The following VAV3 variants were observed in gnomAD, a reference collection of about 807,000 sequenced individuals.
VAV3 encodes guanine nucleotide exchange factor VAV3.
A neutral mutation model predicts 131.2 loss-of-function variants in VAV3; 94 were observed. That is an observed-to-expected ratio of 0.72 (90% CI 0.61 to 0.85). The LOEUF is 0.85. VAV3 is among the 40% of genes least tolerant of loss of function. VAV3 has a pLI of 0.00. For missense variants in VAV3, 939 were observed against 1,002.7 expected (o/e 0.94, Z 0.86); for synonymous variants, 349 against 342.0 (o/e 1.02, Z -0.22).
intron 19 of VAV3, among the ~76,000 whole-genome samples, chr1:107,667,211 C>A (rs1317586773): frequency 2.0e-5 from 3 of 152,112 alleles, no homozygotes; most frequent in Non-Finnish European, 4.4e-5. Context: ...GGACAAAGAG[C>A]CAGACACTGT....
At chr1:107,687,773 T>C (rs1659136696) in intron 18 of VAV3, among the ~76,000 whole-genome samples, 1 of 152,210 alleles carries the variant, frequency 6.6e-6, no homozygotes, top group South Asian at 2.1e-4. Context: ...TATCCCATCA[T>C]CTTCTGTATT....
At chr1:107,779,050 G>A (rs1570941070) in intron 3 of VAV3, among the ~76,000 whole-genome samples, 1 of 151,382 alleles carries the variant, frequency 6.6e-6, no homozygotes, top group African/African-American at 2.4e-5. Flanking sequence ...AAAGCTATGA[G>A]TTATTATGAT....
At chr1:107,843,475 T>C (rs529164367) in intron 2 of VAV3, among the ~76,000 whole-genome samples, 21 of 148,964 alleles carry the variant, frequency 1.4e-4, no homozygotes, top group African/African-American at 5.1e-4. Context: ...TAATCATCTA[T>C]AGACTTTTGT....
intron 23 of VAV3, 119 bp downstream of exon 23, chr1:107,602,928 G>A (rs1317647052): frequency 7.0e-6 from 5 of 715,018 alleles, no homozygotes; most frequent in Non-Finnish European, 1.2e-5. Context: ...CTGGATAGAT[G>A]CATTATTTCT....
chr1:107,573,982 G>A, intron 26 of VAV3, 65 bp downstream of exon 26: 1 of 1,580,288 alleles, frequency 6.3e-7, no homozygotes, highest in African/African-American at 1.3e-5. Context: ...GTGCCACAAT[G>A]GGTGCAAACA....
chr1:107,762,433 G>A (rs1159879527), intron 9 of VAV3, among the ~76,000 whole-genome samples: 1 of 152,180 alleles, frequency 6.6e-6, no homozygotes, highest in African/African-American at 2.4e-5. Flanking sequence ...CATGCTAGCT[G>A]TGTCATCAAT....
intron 2 of VAV3, among the ~76,000 whole-genome samples, chr1:107,813,404 G>A (rs992637683): frequency 1.3e-5 from 2 of 152,232 alleles, no homozygotes; most frequent in Non-Finnish European, 2.9e-5. Flanking sequence ...TGGCATACTG[G>A]CATATTAGTT....
At chr1:107,822,498 CA>C (rs1224272286) in intron 2 of VAV3, among the ~76,000 whole-genome samples, 3 of 150,696 alleles carry the variant, frequency 2.0e-5, no homozygotes, top group Non-Finnish European at 4.4e-5. Flanking sequence ...ATTAAAAATA[CA>C]AAAAAAACAG....
intron 1 of VAV3, among the ~76,000 whole-genome samples, chr1:107,935,972 T>C (rs1673692359): frequency 6.6e-6 from 1 of 152,180 alleles, no homozygotes; most frequent in African/African-American, 2.4e-5. Context: ...AGAATTTTGC[T>C]TTTCAGTGTG....
At chr1:107,632,225 T>G (rs1654556069) in intron 20 of VAV3, among the ~76,000 whole-genome samples, 1 of 152,178 alleles carries the variant, frequency 6.6e-6, no homozygotes, top group Non-Finnish European at 1.5e-5. Context: ...TGGCTCACAT[T>G]AGATTCATCT....
intron 17 of VAV3, among the ~76,000 whole-genome samples, chr1:107,698,440 G>A (rs1200169243): frequency 6.6e-6 from 1 of 152,140 alleles, no homozygotes; most frequent in East Asian, 1.9e-4. Context: ...CAAGTACTGT[G>A]AGCATGTTTA....
At chr1:107,665,367 T>C (rs899932218) in intron 19 of VAV3, among the ~76,000 whole-genome samples, 3 of 152,174 alleles carry the variant, frequency 2.0e-5, no homozygotes, top group Admixed American at 6.5e-5. Context: ...GGTTTGGTTT[T>C]TCTTATCACA....
chr1:107,727,271 C>A lies in VAV3; in HGVS notation c.1502+21697G>T, dbSNP rs1042676204. On this transcript the variant is annotated intron_variant, in intron 15 of 26. Coordinates refer to ENST00000370056, the MANE Select transcript of VAV3 (RefSeq NM_006113.5). ...TCTTTCGTAATTTTGTTCTCCTTGA[C>A]CAGCATTTTTTAAGCTCCACTAAAA... Among the ~76,000 whole-genome samples the A allele has an allele frequency of 3.9e-5, 6 of 152,314 alleles. No homozygotes were observed. In the East Asian group the frequency reaches 9.6e-4, roughly 24 times the overall value.
At chr1:107,915,926 TAAC>T (rs1433596018) in intron 1 of VAV3, among the ~76,000 whole-genome samples, 1 of 151,008 alleles carries the variant, frequency 6.6e-6, no homozygotes, top group African/African-American at 2.4e-5. Flanking sequence ...ATACAAATAA[TAAC>T]AACACTGGAA....
chr1:107,942,661 A>T (rs928772123), intron 1 of VAV3, among the ~76,000 whole-genome samples: 4 of 152,092 alleles, frequency 2.6e-5, no homozygotes, highest in African/African-American at 9.7e-5. Flanking sequence ...TCTGATCATA[A>T]CAAAACTTAT....
At chr1:107,788,254 C>G (rs893106924) in intron 2 of VAV3, among the ~76,000 whole-genome samples, 1 of 152,040 alleles carries the variant, frequency 6.6e-6, no homozygotes, top group African/African-American at 2.4e-5. Flanking sequence ...ACCATTACCA[C>G]CATGCCAGCC....
chr1:107,646,889 G>A (rs1034163511), intron 19 of VAV3, among the ~76,000 whole-genome samples: 12 of 151,848 alleles, frequency 7.9e-5, no homozygotes, highest in Non-Finnish European at 1.8e-4. Flanking sequence ...GTTTTTAAAA[G>A]GGGGACCTGA....
intron 20 of VAV3, among the ~76,000 whole-genome samples, chr1:107,636,962 A>G (rs908976075): frequency 6.6e-6 from 1 of 152,176 alleles, no homozygotes; most frequent in African/African-American, 2.4e-5. Context: ...ATTAAGCCCA[A>G]AAGAATAGAA....
chr1:107,945,541 C>T (rs903500730), intron 1 of VAV3, among the ~76,000 whole-genome samples: 6 of 152,012 alleles, frequency 3.9e-5, no homozygotes, highest in African/African-American at 1.2e-4. Context: ...AAATCAGTCA[C>T]GTCCAGGCGC....
Sources: gnomAD v4.1 joint callset for allele counts (sites outside exome capture counted in the v4.1 genomes callset) on GRCh38, gnomAD v4.1.1 for gene constraint, MANE v1.5 for transcripts, NCBI Gene and HGNC (gene_info 2026-07-23, HGNC 2026-07-21) for gene names.